Variants in PCNT observed in about 807,000 individuals in gnomAD.
PCNT encodes the protein pericentrin.
In PCNT, 319 loss-of-function variants were observed where a neutral mutation model predicts 380.4. The observed-to-expected ratio is 0.84, with a 90% CI of 0.77 to 0.92. The LOEUF (loss-of-function observed/expected upper bound fraction) is 0.92, where lower values mean the gene tolerates loss of function less well. PCNT is among the 40% of genes least tolerant of loss of function. The probability of loss-of-function intolerance (pLI) is 0.00; values close to 1 mark genes in which losing one functional copy is unlikely to be tolerated. For missense variants in PCNT, 4,400 were observed against 4,255.3 expected (o/e 1.03, Z -0.95); for synonymous variants, 1,845 against 1,735.2 (o/e 1.06, Z -1.57).
In PCNT at chr21:46,381,853, C is replaced by G. The variant is rs773384732; in HGVS notation, c.3312+13C>G. The stretch of plus-strand genomic sequence containing the variant: ...CCAAGTCCAGCAGGTGTGTGGAATA[C>G]GCTGTTCCCTTGTGATAAGACGTGT... On this transcript the variant is annotated intron_variant, in intron 16 of 46. Transcript: ENST00000359568. 12 of 1,613,664 alleles carry G rather than the reference C, an allele frequency of 7.4e-6. No homozygotes were observed. In the East Asian group the frequency reaches 2.7e-4, roughly 36 times the overall value.
rs778391726 is a variant in PCNT at position 46,416,079 on chromosome 21, AAG to A, written c.6162_6163del (p.Lys2054AsnfsTer58). 16 of 1,613,986 alleles carry A rather than the reference AAG, an allele frequency of 9.9e-6. No homozygotes were observed. The highest frequency in any genetic ancestry group is 1.3e-5 in the Non-Finnish European group (15 of 1,180,020). ...CTGTTTCACCTGCAGGGTAAAGAAA[AAG>A]TACTGGAAGATTGTCAGCTGCCGAA... On this transcript the variant is annotated frameshift_variant, in exon 30 of 47. Coordinates refer to ENST00000359568, the MANE Select transcript of PCNT (RefSeq NM_006031.6). LOFTEE classifies it high-confidence loss of function.
At chr21:46,427,001 C>T (rs1348502331) in intron 33 of PCNT, among the ~76,000 whole-genome samples, 1 of 152,188 alleles carries the variant, frequency 6.6e-6, no homozygotes, top group Non-Finnish European at 1.5e-5. Flanking sequence ...TGGTTGTGTG[C>T]GAGCGGCAGC....
At chr21:46,369,404 C>T (rs184593756) in intron 15 of PCNT, among the ~76,000 whole-genome samples, 2 of 152,284 alleles carry the variant, frequency 1.3e-5, no homozygotes, top group African/African-American at 4.8e-5. Context: ...AAGCTGGAGC[C>T]ATGTTGTCTT....
At chr21:46,371,995 A>G (rs11702800) in intron 15 of PCNT, among the ~76,000 whole-genome samples, 100,359 of 150,826 alleles carry the variant, frequency 0.67, 33,851 homozygotes, top group African/African-American at 0.78. Context: ...CAGCACATGC[A>G]CACACACACA....
chr21:46,412,957 A>G lies in PCNT; in HGVS notation c.6115A>G (p.Asn2039Asp), dbSNP rs1320076359. 6.2e-7 allele frequency: 1 copy of G among 1,610,412 alleles called. No homozygotes were observed. Among genetic ancestry groups the G allele is most frequent in the East Asian group, 2.2e-5 (1 of 44,788 alleles). Residue 2039 changes from asparagine (N) to aspartate (D), a missense_variant, in exon 29 of 47, where the codon AAT becomes GAT. Transcript: ENST00000359568. ...QLQSELLLVK[N>D]EMRLSLEDGG... is the part of the protein sequence containing the mutation. ...GCAGTCGGAGCTGCTCTTGGTGAAA[A>G]ATGAAATGCGCCTGAGTCTGGAGGA...
rs753903146 is a variant in PCNT, at chr21:46,412,831, G to A, written c.5995-6G>A. 1 of 1,610,514 alleles carries A rather than the reference G, an allele frequency of 6.2e-7. No individual in the cohort carries two copies. The highest frequency in any genetic ancestry group is 1.3e-5 in the African/African-American group (1 of 74,932). On this transcript the variant is annotated splice_region_variant and splice_polypyrimidine_tract_variant and intron_variant, in intron 28 of 46. Coordinates refer to ENST00000359568, the MANE Select transcript of PCNT (RefSeq NM_006031.6). ...TGCTCAGCTTTCCTCTGTCTCCTCT[G>A]TCAAGGGTGATCTGCAGCCTGTCCT...
chr21:46,355,540 A>T lies in PCNT; in HGVS notation c.1850A>T (p.Glu617Val), dbSNP rs770906031. The T allele has an allele frequency of 6.2e-7, 1 of 1,614,024 alleles. No homozygotes were observed. The highest frequency in any genetic ancestry group is 1.3e-5 in the African/African-American group (1 of 74,928). Residue 617 changes from glutamate (E) to valine (V), a missense_variant, in exon 12 of 47, where the codon GAG (glutamate) becomes GTG (valine). Physicochemically the swap from Glu to Val is moderately radical, Grantham distance 121 (BLOSUM62 -2). Coordinates refer to ENST00000359568, the MANE Select transcript of PCNT (RefSeq NM_006031.6). ...ALESPLCIQHEGHVSDRCCVE... is the reference protein window; with the variant it reads ...ALESPLCIQHVGHVSDRCCVE... ...GAGTCTCCCCTCTGCATCCAGCACGAGGGGCATGTCTCAGACAGATGCTGC... is the reference window on the plus strand; with the variant it reads ...GAGTCTCCCCTCTGCATCCAGCACGTGGGGCATGTCTCAGACAGATGCTGC...
intron 25 of PCNT, 38 bp downstream of exon 25, chr21:46,399,834 G>A: frequency 1.3e-6 from 2 of 1,555,114 alleles, no homozygotes; most frequent in South Asian, 1.1e-5. Flanking sequence ...CACGTGGTGA[G>A]GTGTCCCGCA....
At chr21:46,350,909 A>C (rs2084243025) in intron 8 of PCNT, among the ~76,000 whole-genome samples, 1 of 152,180 alleles carries the variant, frequency 6.6e-6, no homozygotes, top group African/African-American at 2.4e-5. Flanking sequence ...GCCCAGGAGG[A>C]AATCACGCCA....
chr21:46,372,473 G>A (rs2085184983), intron 15 of PCNT, among the ~76,000 whole-genome samples: 1 of 152,242 alleles, frequency 6.6e-6, no homozygotes, highest in Non-Finnish European at 1.5e-5. Flanking sequence ...GGGCCCTCCT[G>A]CTTCTGTGTT....
rs752164520 is a variant in PCNT at position 46,432,255 on chromosome 21, C to T, written c.8751+40C>T. The T allele has an allele frequency of 5.1e-6, 8 of 1,560,436 alleles. No individual in the cohort carries two copies. The South Asian group carries it at 6.9e-5, about 14-fold the overall frequency. On this transcript the variant is annotated intron_variant, in intron 38 of 46. Transcript: ENST00000359568. The stretch of plus-strand genomic sequence containing the variant: ...CCGGCGGAGCGTCCACACCTAAAAA[C>T]GATAAGCAATTGGAGTTAGGATGGT...
Position 46,412,817 on chromosome 21 carries a change from CCT to C in PCNT, c.5995-17_5995-16del, listed in dbSNP as rs1471810870. The C allele has an allele frequency of 3.7e-6, 6 of 1,608,854 alleles. 1 individual carries two copies. In the Middle Eastern group the frequency reaches 4.9e-4, roughly 133 times the overall value. On this transcript the variant is annotated intron_variant, in intron 28 of 46. Coordinates refer to ENST00000359568, the MANE Select transcript of PCNT (RefSeq NM_006031.6). ...AACAGCCTCCTGCATGCTCAGCTTT[CCT>C]CTGTCTCCTCTGTCAAGGGTGATCT...
chr21:46,355,306 G>A, intron 11 of PCNT, 146 bp from the exon 12 acceptor site: 2 of 847,440 alleles, frequency 2.4e-6, no homozygotes, highest in South Asian at 2.8e-5. Flanking sequence ...GGCTGGCGGG[G>A]TTCACCAGGG....
intron 41 of PCNT, among the ~76,000 whole-genome samples, chr21:46,438,595 G>A (rs967633675): frequency 4.0e-5 from 6 of 151,772 alleles, no homozygotes; most frequent in Non-Finnish European, 8.8e-5. Flanking sequence ...TTTGGTGCAT[G>A]TTCATAAAAG....
At chr21:46,337,417 C>T (rs2083782063) in intron 3 of PCNT, among the ~76,000 whole-genome samples, 1 of 152,170 alleles carries the variant, frequency 6.6e-6, no homozygotes, top group African/African-American at 2.4e-5. Context: ...TTTCAGTTTC[C>T]AGTCACAACT....
At chr21:46,351,669 C>G (rs2084278526) in intron 9 of PCNT, 129 bp downstream of exon 9, 3 of 719,578 alleles carry the variant, frequency 4.2e-6, no homozygotes, top group Non-Finnish European at 7.7e-6. Context: ...GTTTGACATC[C>G]TGAAGGTTGA....
At chr21:46,324,343 T>A in intron 1 of PCNT, 61 bp downstream of exon 1, 1 of 1,350,014 alleles carries the variant, frequency 7.4e-7, no homozygotes, top group Middle Eastern at 2.0e-4. Context: ...GCGGCTCCGG[T>A]GCCCGCCACC....
intron 16 of PCNT, among the ~76,000 whole-genome samples, chr21:46,385,496 A>T (rs1018439949): frequency 2.0e-5 from 3 of 152,100 alleles, no homozygotes; most frequent in Admixed American, 1.3e-4. Flanking sequence ...CCACCTGGGG[A>T]TGTTTGTGTA....
chr21:46,420,646 C>G lies in PCNT; in HGVS notation c.7025-1324C>G, dbSNP rs1027612750. ...AATGTGGTCTTGGACTTGTGGAGCT[C>G]TGACCACCCGCTGGCGGCACCTGCT... is the stretch of plus-strand genomic sequence containing the variant. On this transcript the variant is annotated intron_variant, in intron 31 of 46. Coordinates refer to ENST00000359568, the MANE Select transcript of PCNT (RefSeq NM_006031.6). 7 of 152,608 alleles carry G rather than the reference C, an allele frequency of 4.6e-5. No individual in the cohort carries two copies. The East Asian group carries it at 1.4e-3, about 30-fold the overall frequency. The allele number at this position is 152,608 out of a possible 1,614,324, so 9.5% of individuals were successfully genotyped here.
Sources: allele counts gnomAD v4.1 joint callset (sites outside exome capture counted in the v4.1 genomes callset), GRCh38; gene constraint gnomAD v4.1.1; transcripts MANE v1.5; gene names NCBI Gene and HGNC (gene_info 2026-07-23, HGNC 2026-07-21).